Variants in MICAL3 observed in about 807,000 individuals in gnomAD.
MICAL3 encodes the protein [F-actin]-monooxygenase MICAL3.
In MICAL3, 62 loss-of-function variants were observed where a neutral mutation model predicts 207.4. The ratio of observed to expected loss-of-function variants is 0.30; its 90% CI spans 0.24 to 0.37. MICAL3 has a LOEUF of 0.37. Among genes scored for constraint, MICAL3 ranks in the 10% least tolerant of loss-of-function variants. The pLI, the probability that MICAL3 is intolerant of heterozygous loss-of-function variation, is 1.00. For missense variants in MICAL3, 2,368 were observed against 2,635.6 expected (o/e 0.90, Z 2.22); for synonymous variants, 1,077 against 1,069.3 (o/e 1.01, Z -0.14).
intron 22 of MICAL3, chr22:17,826,559 A>G (rs901540033): frequency 4.7e-5 from 45 of 948,286 alleles, no homozygotes; most frequent in Non-Finnish European, 5.5e-5. Context: ...ACACAGCAAT[A>G]TGCGTTCCCA....
chr22:17,895,404 A>C lies in MICAL3; in HGVS notation c.1329T>G (p.Ser443Arg). Residue 443 changes from serine to arginine, a missense_variant, in exon 10 of 32, where the codon AGT becomes AGG. Around this residue, in one of 4 missense-constraint regions of MICAL3, gnomAD observed 147 missense variants for 137.7 expected, o/e 1.07. Coordinates refer to ENST00000441493, the MANE Select transcript of MICAL3 (RefSeq NM_015241.3). ...TGGTCTGAGGCAGCAACCTGTAAAT[A>C]CTTTCCCTGCAATAACACAACAATA... ...SPLEVLAERESIYRLLPQTTP... is the reference protein window; with the variant it reads ...SPLEVLAERERIYRLLPQTTP... 1 of 1,613,704 alleles carries C rather than the reference A, an allele frequency of 6.2e-7. No individual in the cohort carries two copies. The highest frequency in any genetic ancestry group is 8.5e-7 in the Non-Finnish European group (1 of 1,179,766).
chr22:18,024,526 C>G lies in MICAL3; in HGVS notation c.-320G>C, dbSNP rs539490238. 3 of 151,912 alleles carry G rather than the reference C, an allele frequency of 2.0e-5. No homozygotes were observed. Among genetic ancestry groups the G allele is most frequent in the Admixed American group, 2.0e-4 (3 of 15,254 alleles). The allele number at this position is 151,912 out of a possible 1,614,324, so 9.4% of individuals were successfully genotyped here. On this transcript the variant is annotated 5_prime_UTR_variant, in exon 1 of 32. Coordinates refer to ENST00000441493, the MANE Select transcript of MICAL3 (RefSeq NM_015241.3). ...GCCTGCCTACGCGGGCGCTCCCCGC[C>G]GGGACTCCGCCGGGGCTGCAGGAGC...
intron 7 of MICAL3, chr22:17,899,184 T>A (rs1431568232): frequency 2.0e-6 from 1 of 508,224 alleles, no homozygotes; most frequent in African/African-American, 1.9e-5. Flanking sequence ...GACAGAACAC[T>A]GGCCACGTGT....
intron 19 of MICAL3, among the ~76,000 whole-genome samples, chr22:17,844,147 T>C (rs2146081200): frequency 6.6e-6 from 1 of 152,136 alleles, no homozygotes; most frequent in South Asian, 2.1e-4. Context: ...TGCCCGGCTG[T>C]GTTACCAGAC....
At chr22:17,792,432 G>A (rs2061833658) in intron 29 of MICAL3, among the ~76,000 whole-genome samples, 1 of 152,188 alleles carries the variant, frequency 6.6e-6, no homozygotes, top group African/African-American at 2.4e-5. Context: ...ACATCTTTCA[G>A]AGGCCCTTGC....
At chr22:18,000,613 C>T (rs952121583) in intron 1 of MICAL3, among the ~76,000 whole-genome samples, 3 of 152,236 alleles carry the variant, frequency 2.0e-5, no homozygotes, top group African/African-American at 7.2e-5. Context: ...CCGTGTAGGG[C>T]TCCTCAAGAT....
intron 1 of MICAL3, among the ~76,000 whole-genome samples, chr22:17,936,240 G>A (rs190113057): frequency 1.6e-3 from 247 of 152,314 alleles, no homozygotes; most frequent in Middle Eastern, 6.8e-3. Context: ...GGAATACTAT[G>A]CAGCCATAAA....
intron 19 of MICAL3, 191 bp downstream of exon 19, chr22:17,864,708 C>CATAT: frequency 6.2e-7 from 1 of 1,612,672 alleles, no homozygotes; most frequent in Non-Finnish European, 8.5e-7. Flanking sequence ...CCAGCACCTC[C>CATAT]GACAGGCCAT....
At chr22:17,904,231 G>A (rs190559637) in intron 3 of MICAL3, among the ~76,000 whole-genome samples, 1 of 152,318 alleles carries the variant, frequency 6.6e-6, no homozygotes, top group Admixed American at 6.5e-5. Flanking sequence ...TCAGCTCACA[G>A]CACAGACAGC....
In MICAL3 at chr22:17,932,417, G is replaced by A. The variant is rs557650538; in HGVS notation, c.-74-25531C>T. ...AGGAGAAATAAAATCCTTTACAGAC[G>A]AGCAAATGCTGAGAGATTTTGTTAC... On this transcript the variant is annotated intron_variant, in intron 1 of 31. Transcript: ENST00000441493. Among the ~76,000 whole-genome samples the A allele has an allele frequency of 2.6e-3, 398 of 152,204 alleles. 1 individual carries two copies. Among genetic ancestry groups the A allele is most frequent in the African/African-American group, 9.1e-3 (376 of 41,530 alleles).
intron 19 of MICAL3, among the ~76,000 whole-genome samples, chr22:17,846,647 A>G (rs563241139): frequency 2.3e-4 from 35 of 152,274 alleles, no homozygotes; most frequent in African/African-American, 8.2e-4. Flanking sequence ...TGGATTGCCA[A>G]GCCGAAGTGC....
chr22:17,959,042 G>A (rs1934772830), intron 1 of MICAL3, among the ~76,000 whole-genome samples: 1 of 118,580 alleles, frequency 8.4e-6, no homozygotes, highest in Non-Finnish European at 1.7e-5. Context: ...TTGAGATGGA[G>A]TCTCGCTCTG....
rs1278243661 is a variant in MICAL3 at position 17,976,533 on chromosome 22, A to ATGTGTG, written c.-75+47747_-75+47748insCACACA. On this transcript the variant is annotated intron_variant, in intron 1 of 31. Transcript: ENST00000441493. ...AATATACATGTATATATGTGTATAT[A>ATGTGTG]TATGTGTGTGTGTGTGTGTGTGTGT... Among the ~76,000 whole-genome samples, 133 of 115,418 alleles carry ATGTGTG rather than the reference A, an allele frequency of 1.2e-3. 2 individuals are homozygous for ATGTGTG. Among genetic ancestry groups the ATGTGTG allele is most frequent in the African/African-American group, 2.9e-3 (83 of 28,466 alleles). The allele number at this position is 115,418 out of a possible 152,430, so 75.7% of individuals were successfully genotyped here.
intron 13 of MICAL3, 36 bp from the exon 14 acceptor site, chr22:17,887,471 C>T (rs768823894): frequency 2.0e-6 from 3 of 1,475,898 alleles, no homozygotes; most frequent in Non-Finnish European, 2.8e-6. Context: ...AAGCACAGCC[C>T]TTGAGGGCGC....
At chr22:17,944,255 G>T (rs1933950299) in intron 1 of MICAL3, among the ~76,000 whole-genome samples, 1 of 152,138 alleles carries the variant, frequency 6.6e-6, no homozygotes, top group Non-Finnish European at 1.5e-5. Context: ...AGGTTCTCGG[G>T]ACTTCATTAT....
At chr22:17,879,460 T>A in intron 16 of MICAL3, 1 of 1,442,540 alleles carries the variant, frequency 6.9e-7, no homozygotes, top group East Asian at 2.3e-5. Flanking sequence ...TTGGACCTAC[T>A]AAACGACAGT....
intron 1 of MICAL3, among the ~76,000 whole-genome samples, chr22:17,974,097 C>T (rs553862861): frequency 1.3e-5 from 2 of 152,240 alleles, no homozygotes; most frequent in East Asian, 3.9e-4. Context: ...AGGCTCAGGG[C>T]AAAGAATGAC....
Position 17,793,011 on chromosome 22 carries a change from C to T in MICAL3, c.5651-1710G>A. Among the ~76,000 whole-genome samples the T allele has an allele frequency of 6.6e-6, 1 of 152,042 alleles. No homozygotes were observed. The highest frequency in any genetic ancestry group is 1.9e-4 in the East Asian group (1 of 5,152). ...CCCGGCCACGGCGGCACCAGGGAGT[C>T]TCTCCCGCTGCCCACCTCCCCACGA... On this transcript the variant is annotated intron_variant, in intron 29 of 31. Transcript: ENST00000441493. The surrounding 1 kb of genome is among the most constrained non-coding windows in gnomAD (Gnocchi z 4.1).
At position 17,821,384 on chromosome 22, in the gene MICAL3, C is replaced by T. The variant is rs1921626356; in HGVS notation, c.3531+43G>A. The T allele has an allele frequency of 4.1e-6, 6 of 1,479,248 alleles. No individual in the cohort carries two copies. In the East Asian group the frequency reaches 1.6e-4, roughly 39 times the overall value. 91.6% of individuals were successfully genotyped at this position (1,479,248 alleles called of 1,614,324 possible). On this transcript the variant is annotated intron_variant, in intron 25 of 31. Transcript: ENST00000441493. ...AGAAGTTAATATGTGTCCTTGGGGT[C>T]CCATTAGTTCTCTGTACCCCACAGC...
Sources: gnomAD v4.1 joint callset for allele counts (sites outside exome capture counted in the v4.1 genomes callset) on GRCh38, gnomAD v4.1.1 for gene constraint, gnomAD v4.1.1 regional missense constraint, Gnocchi (gnomAD v3.1) non-coding constraint, MANE v1.5 for transcripts, NCBI Gene and HGNC (gene_info 2026-07-23, HGNC 2026-07-21) for gene names.